The following DLG2 variants were observed in gnomAD, a reference collection of about 807,000 sequenced individuals.
DLG2 encodes the protein disks large homolog 2.
A neutral mutation model predicts 132.5 loss-of-function variants in DLG2; 45 were observed. That is an observed-to-expected ratio of 0.34 (90% CI 0.27 to 0.44). The LOEUF (loss-of-function observed/expected upper bound fraction) is 0.44. Among genes scored for constraint, DLG2 ranks in the 20% least tolerant of loss-of-function variants. The probability of loss-of-function intolerance (pLI) is 1.00; values close to 1 mark genes in which losing one functional copy is unlikely to be tolerated. For missense variants in DLG2, 1,045 were observed against 1,196.9 expected (o/e 0.87, Z 1.87); for synonymous variants, 424 against 419.6 (o/e 1.01, Z -0.13).
At chr11:83,515,233 A>G (rs1382475925) in intron 21 of DLG2, among the ~76,000 whole-genome samples, 1 of 152,190 alleles carries the variant, frequency 6.6e-6, no homozygotes, top group Non-Finnish European at 1.5e-5. Flanking sequence ...TAGAGATTCA[A>G]CTTCTTCCTG....
chr11:84,719,094 C>G (rs1565766418), intron 6 of DLG2, among the ~76,000 whole-genome samples: 1 of 152,120 alleles, frequency 6.6e-6, no homozygotes, highest in Non-Finnish European at 1.5e-5. Context: ...AAATCTGAGG[C>G]CCAGAGAAGA....
At chr11:83,616,041 T>C (rs777524834) in intron 19 of DLG2, among the ~76,000 whole-genome samples, 2 of 152,210 alleles carry the variant, frequency 1.3e-5, no homozygotes, top group Non-Finnish European at 2.9e-5. Context: ...TGGCTTATTG[T>C]ACTTAATATA....
At chr11:83,983,398 A>G (rs2092971053) in intron 11 of DLG2, among the ~76,000 whole-genome samples, 1 of 152,086 alleles carries the variant, frequency 6.6e-6, no homozygotes, top group Non-Finnish European at 1.5e-5. Context: ...AGCTATCATT[A>G]AAATATTTGG....
At chr11:84,992,109 T>C (rs1392444688) in intron 6 of DLG2, among the ~76,000 whole-genome samples, 1 of 152,178 alleles carries the variant, frequency 6.6e-6, no homozygotes, top group Non-Finnish European at 1.5e-5. Context: ...TCATCCCTCC[T>C]AACCATCACT....
intron 6 of DLG2, among the ~76,000 whole-genome samples, chr11:84,746,409 C>T (rs986020752): frequency 6.7e-6 from 1 of 149,840 alleles, no homozygotes; most frequent in Non-Finnish European, 1.5e-5. Flanking sequence ...TAACTCTGTT[C>T]TTGGTCTTTA....
intron 6 of DLG2, among the ~76,000 whole-genome samples, chr11:84,745,408 T>C (rs972461550): frequency 3.3e-5 from 5 of 152,172 alleles, no homozygotes; most frequent in African/African-American, 9.6e-5. Context: ...CCATATGACA[T>C]GTCTGTTCCC....
chr11:83,697,068 A>G (rs943843268), intron 18 of DLG2, among the ~76,000 whole-genome samples: 4 of 152,220 alleles, frequency 2.6e-5, no homozygotes, highest in Non-Finnish European at 2.9e-5. Flanking sequence ...TGTTCAACGT[A>G]AGAATAACAA....
intron 3 of DLG2, among the ~76,000 whole-genome samples, chr11:85,396,255 C>A (rs569057176): frequency 1.3e-5 from 2 of 152,194 alleles, no homozygotes; most frequent in African/African-American, 4.8e-5. Context: ...ACATCCACAC[C>A]GAAACCCCAT....
At chr11:85,353,998 A>G (rs1160206769) in intron 3 of DLG2, among the ~76,000 whole-genome samples, 3 of 151,888 alleles carry the variant, frequency 2.0e-5, no homozygotes, top group Middle Eastern at 3.4e-3. Flanking sequence ...TAAAAAAAAA[A>G]GAAATTCCTT....
chr11:85,116,856 T>C (rs887570201), intron 5 of DLG2, among the ~76,000 whole-genome samples: 28 of 152,010 alleles, frequency 1.8e-4, no homozygotes, highest in African/African-American at 6.5e-4. Flanking sequence ...GTTAGATGAC[T>C]AAAGATTTAG....
intron 18 of DLG2, among the ~76,000 whole-genome samples, chr11:83,672,221 T>C (rs558160678): frequency 1.1e-4 from 17 of 152,172 alleles, no homozygotes; most frequent in African/African-American, 3.9e-4. Flanking sequence ...AATTTCGCTC[T>C]TGTTGCCCAG....
chr11:84,592,621 G>C (rs1181959904), intron 6 of DLG2, among the ~76,000 whole-genome samples: 1 of 151,484 alleles, frequency 6.6e-6, no homozygotes, highest in Admixed American at 6.6e-5. Context: ...AAATTTACAA[G>C]AAAAAAAGAA....
intron 14 of DLG2, among the ~76,000 whole-genome samples, chr11:83,951,131 G>A (rs2085308962): frequency 6.6e-6 from 1 of 152,078 alleles, no homozygotes; most frequent in Non-Finnish European, 1.5e-5. Flanking sequence ...ATTAGATACA[G>A]TATTAAAACA....
In DLG2 at chr11:85,462,254, G is replaced by C. The variant is rs536898088; in HGVS notation, c.40+136403C>G. 9.2e-4 allele frequency among the ~76,000 whole-genome samples: 140 copies of C among 152,224 alleles called. 1 individual carries two copies. Among genetic ancestry groups the C allele is most frequent in the African/African-American group, 3.2e-3 (133 of 41,544 alleles). ...GGAAGTCAGTGTGGCGATTCCTCAG[G>C]GATCTAGAACTAGAAATACCATTTG... On this transcript the variant is annotated intron_variant, in intron 3 of 27. Transcript: ENST00000376104.
intron 5 of DLG2, among the ~76,000 whole-genome samples, chr11:85,113,385 T>A (rs568449636): frequency 1.1e-4 from 17 of 152,112 alleles, no homozygotes; most frequent in African/African-American, 4.1e-4. Context: ...ATAAATAAGG[T>A]GTGTTTCAAC....
At chr11:83,603,736 G>A (rs1272916462) in intron 19 of DLG2, among the ~76,000 whole-genome samples, 1 of 152,080 alleles carries the variant, frequency 6.6e-6, no homozygotes, top group Non-Finnish European at 1.5e-5. Context: ...GATTATCAAT[G>A]ATTTTAAGCA....
chr11:84,360,169 GAAGAT>G (rs1363205252), intron 7 of DLG2, among the ~76,000 whole-genome samples: 2 of 151,782 alleles, frequency 1.3e-5, no homozygotes, highest in East Asian at 3.9e-4. Context: ...GAAAATATGA[GAAGAT>G]GAGAGAGAAA....
chr11:84,741,982 G>A (rs1040894121), intron 6 of DLG2, among the ~76,000 whole-genome samples: 1 of 151,904 alleles, frequency 6.6e-6, no homozygotes, highest in Admixed American at 6.6e-5. Context: ...CCATAAAGAA[G>A]AACCAAACAG....
intron 6 of DLG2, among the ~76,000 whole-genome samples, chr11:84,879,060 T>TC (rs1333543010): frequency 6.6e-6 from 1 of 150,850 alleles, no homozygotes; most frequent in Non-Finnish European, 1.5e-5. Context: ...TGAGAATGAG[T>TC]CCCCCACTAA....
Sources: gnomAD v4.1 joint callset for allele counts (sites outside exome capture counted in the v4.1 genomes callset) on GRCh38, gnomAD v4.1.1 for gene constraint, MANE v1.5 for transcripts, NCBI Gene and HGNC (gene_info 2026-07-23, HGNC 2026-07-21) for gene names.